The following EDN3 variants were observed in gnomAD, a reference collection of about 807,000 sequenced individuals.
EDN3 encodes endothelin 3.
A neutral mutation model predicts 21.4 loss-of-function variants in EDN3; 9 were observed. The observed-to-expected ratio is 0.42, with a 90% CI of 0.25 to 0.73. The LOEUF is 0.73. Among genes scored for constraint, EDN3 ranks in the 30% least tolerant of loss-of-function variants. The pLI is 0.26. For missense variants in EDN3, 327 were observed against 309.4 expected (o/e 1.06, Z -0.43); for synonymous variants, 133 against 126.2 (o/e 1.05, Z -0.36).
At chr20:59,310,135 T>G (rs951313918) in intron 2 of EDN3, among the ~76,000 whole-genome samples, 16 of 152,300 alleles carry the variant, frequency 1.1e-4, no homozygotes, top group Non-Finnish European at 2.2e-4. Context: ...AGGCAAACAA[T>G]GCTTCTGCTT....
In EDN3 at chr20:59,322,257, T is replaced by G; in HGVS notation, c.543-115T>G. The G allele has an allele frequency of 2.6e-6, 3 of 1,166,212 alleles. No homozygotes were observed. The highest frequency in any genetic ancestry group is 2.6e-6 in the Non-Finnish European group (2 of 780,700). The allele number at this position is 1,166,212 out of a possible 1,614,324, so 72.2% of individuals were successfully genotyped here. A position where few individuals can be genotyped will look rare whatever the true frequency, so the allele number is the denominator to read the frequency against. ...GAAACTGTGCCTGAGACGCAGTCCT[T>G]GGGGAACGCACTAATGTGCTCATTG... is the stretch of plus-strand genomic sequence containing the variant. On this transcript the variant is annotated intron_variant, in intron 3 of 4. Transcript: ENST00000337938. The surrounding 1 kb of genome is among the most constrained non-coding windows in gnomAD (Gnocchi z 4.1).
chr20:59,300,616 G>A lies in EDN3; in HGVS notation c.-197G>A, dbSNP rs1988921462. 1.6e-6 allele frequency: 1 copy of A among 607,022 alleles called. No homozygotes were observed. Among genetic ancestry groups the A allele is most frequent in the Non-Finnish European group, 2.9e-6 (1 of 346,396 alleles). The allele number at this position is 607,022 out of a possible 1,614,324, so 37.6% of individuals were successfully genotyped here. On this transcript the variant is annotated 5_prime_UTR_variant, in exon 1 of 5. Transcript: ENST00000337938. ...AGCCACAGCCGGCCAGCTCCGCGCA[G>A]GGATGGGCAGCGCGCTCTGAAAGTT...
intron 2 of EDN3, among the ~76,000 whole-genome samples, chr20:59,306,595 TA>T (rs57144708): frequency 0.1 from 6,288 of 62,222 alleles, 163 homozygotes; most frequent in East Asian, 0.19. Context: ...GCATAAAGAG[TA>T]AAAAAAAAAA....
rs11570306 is a variant in EDN3, at chr20:59,312,326, G to A, written c.366-8691G>A. Among the ~76,000 whole-genome samples, 153 of 152,160 alleles carry A rather than the reference G, an allele frequency of 1.0e-3. 1 individual carries two copies. Among genetic ancestry groups the A allele is most frequent in the Non-Finnish European group, 1.7e-3 (119 of 68,022 alleles). On this transcript the variant is annotated intron_variant, in intron 2 of 4. Coordinates refer to ENST00000337938, the MANE Select transcript of EDN3 (RefSeq NM_207034.3). ...TGCTAATCTGTAGGATTCCATAGAC[G>A]GCTTAATTCCCCAAGTTTTGGAGGA...
At position 59,302,736 on chromosome 20, in the gene EDN3, A is replaced by G. The variant is rs1364623831; in HGVS notation, c.365+1014A>G. Reference sequence around the variant, plus strand: ...GGGATTCTTAGCTGAGAACTCAGAGATGGTTGTGAATGCAAGCCCCTGGAA... The same window carrying G: ...GGGATTCTTAGCTGAGAACTCAGAGGTGGTTGTGAATGCAAGCCCCTGGAA... On this transcript the variant is annotated intron_variant, in intron 2 of 4. Coordinates refer to ENST00000337938, the MANE Select transcript of EDN3 (RefSeq NM_207034.3). Among the ~76,000 whole-genome samples, 13 of 152,096 alleles carry G rather than the reference A, an allele frequency of 8.5e-5. No individual in the cohort carries two copies. The East Asian group carries it at 2.3e-3, about 27-fold the overall frequency.
intron 2 of EDN3, among the ~76,000 whole-genome samples, chr20:59,314,481 A>T (rs1990048082): frequency 6.6e-6 from 1 of 152,002 alleles, no homozygotes; most frequent in Non-Finnish European, 1.5e-5. Flanking sequence ...AGGCTCTGAA[A>T]GGAGAGGTGT....
intron 2 of EDN3, among the ~76,000 whole-genome samples, chr20:59,314,091 G>A (rs1418423828): frequency 1.3e-5 from 2 of 152,148 alleles, no homozygotes; most frequent in Admixed American, 6.5e-5. Flanking sequence ...AGGACAGACA[G>A]TGGGCAGCGG....
chr20:59,321,608 A>AGG (rs148681039), intron 3 of EDN3, among the ~76,000 whole-genome samples: 2 of 151,722 alleles, frequency 1.3e-5, no homozygotes, highest in South Asian at 2.1e-4. Context: ...GCTTATTGGG[A>AGG]GGGGGGGGAA....
intron 2 of EDN3, among the ~76,000 whole-genome samples, chr20:59,310,769 C>T (rs557460979): frequency 2.0e-5 from 3 of 152,136 alleles, no homozygotes; most frequent in South Asian, 2.1e-4. Context: ...TACCGACAGA[C>T]GCAACCAAAA....
intron 2 of EDN3, among the ~76,000 whole-genome samples, chr20:59,304,322 C>A (rs1267411392): frequency 6.6e-6 from 1 of 152,206 alleles, no homozygotes; most frequent in Non-Finnish European, 1.5e-5. Flanking sequence ...TCTAGTGGTT[C>A]TGTCTCCCCA....
Position 59,324,339 on chromosome 20 carries a change from C to A in EDN3, c.597C>A (p.Val199=). 1 of 1,614,038 alleles carries A rather than the reference C, an allele frequency of 6.2e-7. No homozygotes were observed. The part of the protein sequence containing the change: ...TDKEEEGKVE[V]KDQQSKQALD... ...CCCTTTCCCCAAGACAGGTTGAAGTCAAGGACCAACAAAGCAAGCAGGCTT... is the reference window on the plus strand; with the variant it reads ...CCCTTTCCCCAAGACAGGTTGAAGTAAAGGACCAACAAAGCAAGCAGGCTT... The change falls in exon 5 of 5, where the codon GTC becomes GTA. Residue 199 remains valine (V), a synonymous_variant. Coordinates refer to ENST00000337938, the MANE Select transcript of EDN3 (RefSeq NM_207034.3).
intron 2 of EDN3, among the ~76,000 whole-genome samples, chr20:59,310,860 A>G (rs898685789): frequency 6.6e-6 from 1 of 152,132 alleles, no homozygotes; most frequent in East Asian, 1.9e-4. Context: ...AGAAGCAACT[A>G]CATGAGACAG....
rs569486179 is a variant in EDN3, at chr20:59,325,611, CTGTG to C, written c.*1156_*1159del. 8.2e-4 allele frequency: 125 copies of C among 152,286 alleles called. No individual in the cohort carries two copies. Among genetic ancestry groups the C allele is most frequent in the African/African-American group, 2.9e-3 (119 of 41,552 alleles). The allele number at this position is 152,286 out of a possible 1,614,324, so 9.4% of individuals were successfully genotyped here. On this transcript the variant is annotated 3_prime_UTR_variant, in exon 5 of 5. Coordinates refer to ENST00000337938, the MANE Select transcript of EDN3 (RefSeq NM_207034.3). ...TGGCCTTGACCAAATGTTAAATCCT[CTGTG>C]TGTATTTCATAAGTTATTACAGGTA...
In EDN3 at chr20:59,313,120, G is replaced by C. The variant is rs1989938689; in HGVS notation, c.366-7897G>C. On this transcript the variant is annotated intron_variant, in intron 2 of 4. Transcript: ENST00000337938. ...CAGCTGATGAAGGACAAAATAAGTAGAGATCCATTGAGTCAGCCAAGAATG... is the reference window on the plus strand; with the variant it reads ...CAGCTGATGAAGGACAAAATAAGTACAGATCCATTGAGTCAGCCAAGAATG... Among the ~76,000 whole-genome samples the C allele has an allele frequency of 2.0e-5, 3 of 152,216 alleles. No homozygotes were observed. In the South Asian group the frequency reaches 6.2e-4, roughly 31 times the overall value.
intron 4 of EDN3, 35 bp from the exon 5 acceptor site, chr20:59,324,296 C>CA: frequency 6.2e-7 from 1 of 1,603,248 alleles, no homozygotes; most frequent in South Asian, 1.1e-5. Context: ...ACATACCTTT[C>CA]TTTTTTTTTC....
rs533806191 is a variant in EDN3 at position 59,323,640 on chromosome 20, T to G, written c.589-691T>G. The G allele has an allele frequency of 1.8e-5, 7 of 399,834 alleles. No individual in the cohort carries two copies. The East Asian group carries it at 2.5e-4, about 14-fold the overall frequency. 24.8% of individuals were successfully genotyped at this position (399,834 alleles called of 1,614,324 possible). On this transcript the variant is annotated intron_variant, in intron 4 of 4. Transcript: ENST00000337938. ...GGGTGGTTGCAGTTTGAGATGGGGT[T>G]GACGTGGCCTCATCTTTCTCACCAG...
chr20:59,323,978 G>A (rs550332950), intron 4 of EDN3, among the ~76,000 whole-genome samples: 30 of 152,312 alleles, frequency 2.0e-4, no homozygotes, highest in African/African-American at 6.7e-4. Context: ...CTCTTATTAA[G>A]CCAATGTTCT....
chr20:59,301,267 G>A, intron 1 of EDN3, 143 bp from the exon 2 acceptor site: 1 of 1,029,728 alleles, frequency 9.7e-7, no homozygotes, highest in Non-Finnish European at 1.4e-6. Flanking sequence ...AGATAGCTTG[G>A]AAACTTTTCA....
Position 59,315,076 on chromosome 20 carries a change from C to A in EDN3, c.366-5941C>A, listed in dbSNP as rs78197033. Among the ~76,000 whole-genome samples the A allele has an allele frequency of 3.9e-5, 6 of 152,342 alleles. No homozygotes were observed. In the East Asian group the frequency reaches 1.2e-3, roughly 29 times the overall value. ...GCCACGTTCTGACTGGTTCAGATTA[C>A]AGATGGTAAATAAAGGTGATTGACA... On this transcript the variant is annotated intron_variant, in intron 2 of 4. Coordinates refer to ENST00000337938, the MANE Select transcript of EDN3 (RefSeq NM_207034.3).
Sources: gnomAD v4.1 joint callset for allele counts (sites outside exome capture counted in the v4.1 genomes callset) on GRCh38, gnomAD v4.1.1 for gene constraint, Gnocchi (gnomAD v3.1) non-coding constraint, MANE v1.5 for transcripts, NCBI Gene and HGNC (gene_info 2026-07-23, HGNC 2026-07-21) for gene names.